The following WDFY1 variants were observed in gnomAD, a reference collection of about 807,000 sequenced individuals.
WDFY1 encodes WD repeat and FYVE domain containing 1.
In WDFY1, 32 loss-of-function variants were observed where a neutral mutation model predicts 56.4. The ratio of observed to expected loss-of-function variants is 0.57; its 90% confidence interval spans 0.43 to 0.76. The LOEUF is 0.76. Ranked by LOEUF, WDFY1 falls within the 30% of genes least tolerant of loss-of-function variation. The pLI is 0.00. For missense variants in WDFY1, 480 were observed against 545.7 expected (o/e 0.88, Z 1.20); for synonymous variants, 192 against 197.3 (o/e 0.97, Z 0.23).
intron 8 of WDFY1, among the ~76,000 whole-genome samples, chr2:223,886,278 G>T (rs1693173015): frequency 6.6e-6 from 1 of 152,146 alleles, no homozygotes; most frequent in Non-Finnish European, 1.5e-5. Context: ...GGCGGAGGTT[G>T]CAGTGAGCCA....
chr2:223,941,371 T>C (rs1689303688), intron 1 of WDFY1, among the ~76,000 whole-genome samples: 1 of 152,188 alleles, frequency 6.6e-6, no homozygotes, highest in Non-Finnish European at 1.5e-5. Context: ...CTCTGGTCAC[T>C]TAGAAATAGC....
In WDFY1 at chr2:223,933,781, A is replaced by ACC. The variant is rs373807476; in HGVS notation, c.137+11365_137+11366dup. ...AGACCAGCCTGGGCAACATAGTGAG[A>ACC]CCCCCCCCCATCTCTACAAAAAAAA... On this transcript the variant is annotated intron_variant, in intron 1 of 11. Transcript: ENST00000233055. Among the ~76,000 whole-genome samples, 318 of 128,762 alleles carry ACC rather than the reference A, an allele frequency of 2.5e-3. 1 individual carries two copies. Among genetic ancestry groups the ACC allele is most frequent in the African/African-American group, 8.3e-3 (304 of 36,596 alleles). 84.5% of individuals were successfully genotyped at this position (128,762 alleles called of 152,430 possible).
chr2:223,889,484 GT>G (rs1693230416), intron 8 of WDFY1, among the ~76,000 whole-genome samples: 1 of 152,120 alleles, frequency 6.6e-6, no homozygotes, highest in African/African-American at 2.4e-5. Context: ...ATGGGGGTGG[GT>G]TTTTCCCATG....
intron 3 of WDFY1, among the ~76,000 whole-genome samples, chr2:223,906,685 A>C (rs996549437): frequency 2.6e-5 from 4 of 151,720 alleles, no homozygotes; most frequent in Non-Finnish European, 5.9e-5. Flanking sequence ...ACACCCAGCT[A>C]AATTTTGTAT....
chr2:223,944,757 GAGC>G (rs971830404), intron 1 of WDFY1, among the ~76,000 whole-genome samples: 14 of 144,938 alleles, frequency 9.7e-5, no homozygotes, highest in Non-Finnish European at 2.0e-4. Context: ...CAGGGGTCCT[GAGC>G]AGGAGGGGCG....
intron 4 of WDFY1, among the ~76,000 whole-genome samples, chr2:223,903,359 T>A (rs1055936452): frequency 2.0e-5 from 3 of 151,832 alleles, no homozygotes; most frequent in Admixed American, 1.3e-4. Context: ...CCTTCTCTAC[T>A]AAAAATACAA....
At chr2:223,907,195 T>C (rs1016508875) in intron 3 of WDFY1, among the ~76,000 whole-genome samples, 1 of 151,952 alleles carries the variant, frequency 6.6e-6, no homozygotes, top group Non-Finnish European at 1.5e-5. Context: ...CAGCCTGGTC[T>C]TGAACTCACA....
Position 223,932,570 on chromosome 2 carries a change from C to T in WDFY1, c.137+12578G>A, listed in dbSNP as rs566459058. Among the ~76,000 whole-genome samples, 12 of 152,010 alleles carry T rather than the reference C, an allele frequency of 7.9e-5. No individual in the cohort carries two copies. The South Asian group carries it at 2.3e-3, about 29-fold the overall frequency. On this transcript the variant is annotated intron_variant, in intron 1 of 11. Coordinates refer to ENST00000233055, the MANE Select transcript of WDFY1 (RefSeq NM_020830.5). ...TTTTTAAACTTTCTCAAAAACACAC[C>T]CTAATCACTCCAAAAACAGCTAAAT...
chr2:223,892,445 C>T (rs982931882), intron 8 of WDFY1, among the ~76,000 whole-genome samples: 5 of 152,134 alleles, frequency 3.3e-5, no homozygotes, highest in South Asian at 2.1e-4. Context: ...ACAATCAGTA[C>T]GTCTCTGTAT....
At chr2:223,933,282 G>C (rs898516123) in intron 1 of WDFY1, among the ~76,000 whole-genome samples, 1 of 151,154 alleles carries the variant, frequency 6.6e-6, no homozygotes, top group African/African-American at 2.4e-5. Flanking sequence ...GGTGGCCCCA[G>C]CATTTGCACC....
chr2:223,902,487 C>A (rs143170665), intron 4 of WDFY1, among the ~76,000 whole-genome samples: 3,043 of 152,204 alleles, frequency 0.02, 51 homozygotes, highest in Middle Eastern at 0.034. Context: ...ATCCCTTGAG[C>A]CCAGGAGTTG....
chr2:223,921,433 C>T (rs1238691846), intron 1 of WDFY1, among the ~76,000 whole-genome samples: 1 of 151,968 alleles, frequency 6.6e-6, no homozygotes. Context: ...AAATGACTCA[C>T]TTTCTTCTAC....
chr2:223,880,602 G>C (rs2106069248), intron 10 of WDFY1, among the ~76,000 whole-genome samples: 1 of 55,706 alleles, frequency 1.8e-5, no homozygotes, highest in South Asian at 9.6e-4. Context: ...CCAAGACTCA[G>C]TCTCAAAAAA....
At chr2:223,889,279 A>C (rs1050609469) in intron 8 of WDFY1, among the ~76,000 whole-genome samples, 6 of 152,126 alleles carry the variant, frequency 3.9e-5, no homozygotes, top group Non-Finnish European at 5.9e-5. Flanking sequence ...AAAGTCTAGG[A>C]GTCAGATCTC....
At chr2:223,935,380 T>C (rs906690721) in intron 1 of WDFY1, among the ~76,000 whole-genome samples, 2 of 152,178 alleles carry the variant, frequency 1.3e-5, no homozygotes, top group African/African-American at 4.8e-5. Flanking sequence ...GAAAAATGAA[T>C]AAAGAGATTA....
chr2:223,880,294 G>T, intron 10 of WDFY1, 62 bp from the exon 11 acceptor site: 1 of 1,472,930 alleles, frequency 6.8e-7, no homozygotes, highest in Non-Finnish European at 9.5e-7. Flanking sequence ...AGTGGGGTAA[G>T]CTTTTTTAGC....
chr2:223,929,463 C>A (rs1454380784), intron 1 of WDFY1, among the ~76,000 whole-genome samples: 1 of 152,152 alleles, frequency 6.6e-6, no homozygotes, highest in East Asian at 1.9e-4. Flanking sequence ...GCTGGGATTA[C>A]AGGCATGAGC....
chr2:223,893,573 G>A (rs561241459), intron 8 of WDFY1, among the ~76,000 whole-genome samples: 11 of 151,912 alleles, frequency 7.2e-5, no homozygotes, highest in Non-Finnish European at 1.3e-4. Flanking sequence ...CAATTAGACT[G>A]TCTGTCTAAA....
At chr2:223,935,749 C>T (rs1694158405) in intron 1 of WDFY1, among the ~76,000 whole-genome samples, 1 of 152,158 alleles carries the variant, frequency 6.6e-6, no homozygotes, top group Non-Finnish European at 1.5e-5. Context: ...AACTAGGCAT[C>T]ATCAGTAATA....
Sources: allele counts gnomAD v4.1 joint callset (sites outside exome capture counted in the v4.1 genomes callset), GRCh38; gene constraint gnomAD v4.1.1; transcripts MANE v1.5; gene names NCBI Gene and HGNC (gene_info 2026-07-23, HGNC 2026-07-21).